The following PTPRD variants were observed in gnomAD, a reference collection of about 807,000 sequenced individuals.
PTPRD encodes the protein protein tyrosine phosphatase receptor type D, also known as receptor-type tyrosine-protein phosphatase delta.
In PTPRD, 34 loss-of-function variants were observed where a neutral mutation model predicts 214.5. The observed-to-expected ratio is 0.16, with a 90% CI of 0.12 to 0.21. The LOEUF (loss-of-function observed/expected upper bound fraction) is 0.21. Ranked by LOEUF, PTPRD falls within the 10% of genes least tolerant of loss-of-function variation. The pLI, the probability that PTPRD is intolerant of heterozygous loss-of-function variation, is 1.00. For missense variants in PTPRD, 2,545 were observed against 2,398.7 expected (o/e 1.06, Z -1.27); for synonymous variants, 1,128 against 845.7 (o/e 1.33, Z -5.79).
chr9:9,057,919 T>C (rs2099699322), intron 10 of PTPRD, among the ~76,000 whole-genome samples: 1 of 152,274 alleles, frequency 6.6e-6, no homozygotes, highest in South Asian at 2.1e-4. Flanking sequence ...TATATAAAAA[T>C]AATCATAGGC....
chr9:8,892,063 T>C (rs2154240607), intron 11 of PTPRD, among the ~76,000 whole-genome samples: 1 of 152,244 alleles, frequency 6.6e-6, no homozygotes, highest in East Asian at 1.9e-4. Flanking sequence ...TCTCTGTGCT[T>C]GAGGTTTGGG....
At chr9:9,465,580 T>C (rs970647024) in intron 8 of PTPRD, among the ~76,000 whole-genome samples, 35 of 152,222 alleles carry the variant, frequency 2.3e-4, no homozygotes, top group African/African-American at 8.0e-4. Flanking sequence ...TTTCTGTCTC[T>C]ACAGGACAGT....
chr9:8,833,058 G>C (rs545211756), intron 11 of PTPRD, among the ~76,000 whole-genome samples: 2 of 151,842 alleles, frequency 1.3e-5, no homozygotes, highest in African/African-American at 4.8e-5. Context: ...TTCTGTGTGC[G>C]ACCCAGAAAT....
intron 5 of PTPRD, among the ~76,000 whole-genome samples, chr9:9,814,721 G>C (rs920504910): frequency 3.3e-5 from 5 of 149,810 alleles, no homozygotes; most frequent in Admixed American, 1.3e-4. Flanking sequence ...AATTCCAATA[G>C]CATTTTTCAC....
intron 2 of PTPRD, among the ~76,000 whole-genome samples, chr9:10,574,894 A>G (rs931912169): frequency 6.6e-6 from 1 of 150,918 alleles, no homozygotes; most frequent in African/African-American, 2.4e-5. Context: ...GCCTTTTCCC[A>G]TTTGTCTACA....
intron 8 of PTPRD, among the ~76,000 whole-genome samples, chr9:9,479,407 A>C (rs1328222926): frequency 6.6e-6 from 1 of 151,932 alleles, no homozygotes; most frequent in Non-Finnish European, 1.5e-5. Flanking sequence ...ATTTCTTGAA[A>C]ACTAACTCAG....
chr9:9,799,428 G>C (rs1470923012), intron 5 of PTPRD: 1 of 152,132 alleles, frequency 6.6e-6, no homozygotes, highest in Non-Finnish European at 1.5e-5. Flanking sequence ...GAAGCCCTAA[G>C]GGTAGAAAGG....
chr9:9,473,179 G>A (rs1426747262), intron 8 of PTPRD, among the ~76,000 whole-genome samples: 1 of 152,128 alleles, frequency 6.6e-6, no homozygotes, highest in East Asian at 1.9e-4. Flanking sequence ...TCTGAGAGAT[G>A]ATTTTTAGTT....
In PTPRD at chr9:9,741,654, G is replaced by A. The variant is rs574465153; in HGVS notation, c.-325-7083C>T. 1.3e-4 allele frequency among the ~76,000 whole-genome samples: 20 copies of A among 152,240 alleles called. 1 individual carries two copies. The highest frequency in any genetic ancestry group is 3.4e-3 in the Middle Eastern group (1 of 294). On this transcript the variant is annotated intron_variant, in intron 6 of 45. Transcript: ENST00000381196. ...CAGTGTGTGATGTTCGCCTCCCTGC[G>A]TTGGTGTATTCTCATTGTTCAGTTC... is the stretch of plus-strand genomic sequence containing the variant.
chr9:10,311,235 C>A (rs975218617), intron 3 of PTPRD, among the ~76,000 whole-genome samples: 1 of 151,804 alleles, frequency 6.6e-6, no homozygotes, highest in Admixed American at 6.6e-5. Context: ...ATATTGCTAA[C>A]CCATAGGAGA....
chr9:10,562,535 G>T (rs749755336), intron 2 of PTPRD, among the ~76,000 whole-genome samples: 1 of 151,912 alleles, frequency 6.6e-6, no homozygotes, highest in Non-Finnish European at 1.5e-5. Flanking sequence ...TTTAATAATA[G>T]AAACATCTTG....
Position 9,542,270 on chromosome 9 carries a change from A to C in PTPRD, c.-237+32462T>G, listed in dbSNP as rs573234821. Among the ~76,000 whole-genome samples, 5 of 151,874 alleles carry C rather than the reference A, an allele frequency of 3.3e-5. 1 individual carries two copies. The South Asian group carries it at 1.0e-3, about 31-fold the overall frequency. On this transcript the variant is annotated intron_variant, in intron 8 of 45. Transcript: ENST00000381196. ...CAATAAATTGGGTAATTTAGGTGAC[A>C]AACAGGTATCTTAAAAAATAAACAT...
At chr9:9,810,822 A>G (rs1199734754) in intron 5 of PTPRD, among the ~76,000 whole-genome samples, 3 of 151,848 alleles carry the variant, frequency 2.0e-5, no homozygotes, top group African/African-American at 7.3e-5. Context: ...GCTGCCATAG[A>G]TAGTGACTCT....
intron 27 of PTPRD, among the ~76,000 whole-genome samples, chr9:8,488,341 T>A (rs146220280): frequency 1.3e-3 from 196 of 152,376 alleles, no homozygotes; most frequent in African/African-American, 4.4e-3. Flanking sequence ...CATGCTGATA[T>A]AACTCAGCTA....
At chr9:10,544,699 A>G (rs1279991682) in intron 2 of PTPRD, among the ~76,000 whole-genome samples, 1 of 152,196 alleles carries the variant, frequency 6.6e-6, no homozygotes, top group Non-Finnish European at 1.5e-5. Context: ...TAATCTGACA[A>G]CATCCTCTTT....
At chr9:8,395,632 A>ATT (rs5896244) in intron 36 of PTPRD, among the ~76,000 whole-genome samples, 2 of 149,860 alleles carry the variant, frequency 1.3e-5, no homozygotes, top group Non-Finnish European at 3.0e-5. Flanking sequence ...AACACATAGA[A>ATT]TTTTTTTTTT....
intron 3 of PTPRD, among the ~76,000 whole-genome samples, chr9:10,176,455 T>C (rs1057354508): frequency 3.3e-5 from 5 of 151,968 alleles, no homozygotes; most frequent in Admixed American, 2.0e-4. Context: ...AAGCAACATT[T>C]TGACCTATGT....
At chr9:8,857,926 C>G (rs1430928125) in intron 11 of PTPRD, 1 of 151,034 alleles carries the variant, frequency 6.6e-6, no homozygotes, top group African/African-American at 2.5e-5. Context: ...CCTCCCTCCA[C>G]CCCTACCCCC....
chr9:9,889,821 G>C (rs1326922278), intron 5 of PTPRD, among the ~76,000 whole-genome samples: 1 of 151,912 alleles, frequency 6.6e-6, no homozygotes, highest in Non-Finnish European at 1.5e-5. Flanking sequence ...GTATGTGTGT[G>C]TGTGTGTCTG....
Sources: gnomAD v4.1 joint callset for allele counts (sites outside exome capture counted in the v4.1 genomes callset) on GRCh38, gnomAD v4.1.1 for gene constraint, MANE v1.5 for transcripts, NCBI Gene and HGNC (gene_info 2026-07-23, HGNC 2026-07-21) for gene names.